GRIA4: variants seen among roughly 807,000 people sequenced by gnomAD.
GRIA4 encodes the protein glutamate receptor 4.
A neutral mutation model predicts 104.0 loss-of-function variants in GRIA4; 34 were observed. The ratio of observed to expected loss-of-function variants is 0.33; its 90% CI spans 0.25 to 0.44. The LOEUF (loss-of-function observed/expected upper bound fraction) is 0.44. GRIA4 is among the 20% of genes least tolerant of loss of function. The pLI is 1.00. For missense variants in GRIA4, 750 were observed against 1,096.5 expected (o/e 0.68, Z 4.46); for synonymous variants, 386 against 381.9 (o/e 1.01, Z -0.13).
chr11:105,745,861 T>G (rs1035048975), intron 3 of GRIA4, among the ~76,000 whole-genome samples: 6 of 152,142 alleles, frequency 3.9e-5, no homozygotes, highest in South Asian at 4.1e-4. Context: ...CTTAAGAATG[T>G]AAACATTTTG....
intron 4 of GRIA4, among the ~76,000 whole-genome samples, chr11:105,798,493 C>G (rs1479385397): frequency 1.3e-5 from 2 of 152,066 alleles, no homozygotes; most frequent in Non-Finnish European, 2.9e-5. Context: ...GTAATGGATG[C>G]TACATTTCTT....
At chr11:105,825,120 C>T (rs1943719228) in intron 4 of GRIA4, among the ~76,000 whole-genome samples, 1 of 152,082 alleles carries the variant, frequency 6.6e-6, no homozygotes, top group African/African-American at 2.4e-5. Context: ...AACCAAAAAG[C>T]TAGGCCAATG....
intron 3 of GRIA4, among the ~76,000 whole-genome samples, chr11:105,649,882 G>A (rs1408253694): frequency 6.6e-6 from 1 of 151,838 alleles, no homozygotes; most frequent in Admixed American, 6.6e-5. Flanking sequence ...CAAATATACA[G>A]GAATAATTAT....
intron 3 of GRIA4, among the ~76,000 whole-genome samples, chr11:105,621,903 T>C (rs1208077692): frequency 6.6e-6 from 1 of 151,864 alleles, no homozygotes; most frequent in Non-Finnish European, 1.5e-5. Context: ...AGGGTGAGGA[T>C]GATTTCTCAT....
chr11:105,721,370 C>T (rs903576599), intron 3 of GRIA4, among the ~76,000 whole-genome samples: 1 of 151,992 alleles, frequency 6.6e-6, no homozygotes, highest in Non-Finnish European at 1.5e-5. Flanking sequence ...TTCCCTTTCA[C>T]CTGTCTCCTC....
chr11:105,862,920 T>C (rs1945279303), intron 5 of GRIA4, among the ~76,000 whole-genome samples: 3 of 152,190 alleles, frequency 2.0e-5, no homozygotes, highest in Admixed American at 2.0e-4. Context: ...CCCCTGCAGA[T>C]CATGATAAAG....
chr11:105,853,507 A>C (rs1944894444), intron 4 of GRIA4, among the ~76,000 whole-genome samples: 1 of 152,178 alleles, frequency 6.6e-6, no homozygotes, highest in Non-Finnish European at 1.5e-5. Flanking sequence ...ACATTCTTTC[A>C]GGACCAAAAT....
At chr11:105,975,423 T>C (rs1040231206) in intron 16 of GRIA4, among the ~76,000 whole-genome samples, 3 of 152,094 alleles carry the variant, frequency 2.0e-5, no homozygotes, top group Non-Finnish European at 2.9e-5. Context: ...CCTCTCATCA[T>C]GGCATAATAA....
At chr11:105,617,240 A>G (rs996295718) in intron 3 of GRIA4, among the ~76,000 whole-genome samples, 1 of 150,590 alleles carries the variant, frequency 6.6e-6, no homozygotes, top group East Asian at 1.9e-4. Context: ...TTAAAACTAT[A>G]TATGTGTGTG....
Position 105,723,207 on chromosome 11 carries a change from CAATTT to C in GRIA4, c.248-29770_248-29766del, listed in dbSNP as rs532455675. On this transcript the variant is annotated intron_variant, in intron 3 of 16. Coordinates refer to ENST00000282499, the MANE Select transcript of GRIA4 (RefSeq NM_000829.4). ...GGAAAAGTACTTGACATTTAAATGT[CAATTT>C]AATCAAATTACGCAATTTTAAAATG... Among the ~76,000 whole-genome samples the C allele has an allele frequency of 9.9e-5, 15 of 152,184 alleles. 1 individual carries two copies. In the South Asian group the frequency reaches 3.1e-3, roughly 32 times the overall value.
chr11:105,815,761 A>G (rs1391568135), intron 4 of GRIA4, among the ~76,000 whole-genome samples: 3 of 152,332 alleles, frequency 2.0e-5, no homozygotes, highest in South Asian at 4.1e-4. Flanking sequence ...AAAGTCTGCT[A>G]TACTTAAGTT....
At chr11:105,692,575 T>C (rs1953128003) in intron 3 of GRIA4, among the ~76,000 whole-genome samples, 1 of 152,220 alleles carries the variant, frequency 6.6e-6, no homozygotes, top group African/African-American at 2.4e-5. Context: ...ACCATACTTA[T>C]TTAACTGCTA....
chr11:105,693,860 T>A (rs1350598211), intron 3 of GRIA4, among the ~76,000 whole-genome samples: 1 of 152,326 alleles, frequency 6.6e-6, no homozygotes, highest in Middle Eastern at 3.4e-3. Context: ...GCTCATTCTA[T>A]GGCTACTCTT....
intron 3 of GRIA4, among the ~76,000 whole-genome samples, chr11:105,714,845 T>C (rs930673358): frequency 9.2e-5 from 14 of 151,850 alleles, no homozygotes; most frequent in Admixed American, 9.2e-4. Flanking sequence ...GTTCTGGCTG[T>C]TTCTGCAGGT....
chr11:105,622,261 T>A (rs1453578712), intron 3 of GRIA4, among the ~76,000 whole-genome samples: 1 of 151,844 alleles, frequency 6.6e-6, no homozygotes, highest in Non-Finnish European at 1.5e-5. Context: ...TATTCTACAT[T>A]TTTTCTAGCA....
chr11:105,661,216 T>A (rs1951998736), intron 3 of GRIA4, among the ~76,000 whole-genome samples: 1 of 151,510 alleles, frequency 6.6e-6, no homozygotes, highest in Admixed American at 6.6e-5. Context: ...GAGAAAAGCA[T>A]GGGTAGACAA....
intron 3 of GRIA4, among the ~76,000 whole-genome samples, chr11:105,731,176 T>C (rs1401546634): frequency 1.3e-5 from 2 of 151,986 alleles, no homozygotes; most frequent in Non-Finnish European, 2.9e-5. Context: ...TAAACAAATT[T>C]ACAAGAAAAA....
chr11:105,933,914 G>A lies in GRIA4; in HGVS notation c.2239G>A (p.Gly747Arg). 2 of 1,613,216 alleles carry A rather than the reference G, an allele frequency of 1.2e-6. No homozygotes were observed. The highest frequency in any genetic ancestry group is 2.2e-5 in the East Asian group (1 of 44,832). The change falls in exon 14 of 17, where the codon GGA becomes AGA. Residue 747 changes from glycine (G) to arginine (R), a missense_variant. Gly to Arg is a moderately radical substitution (Grantham distance 125). Around this residue, in one of 3 missense-constraint regions of GRIA4, gnomAD observed 272 missense variants for 524.5 expected, o/e 0.52. Coordinates refer to ENST00000282499, the MANE Select transcript of GRIA4 (RefSeq NM_000829.4). ...RKPCDTMKVG[G>R]NLDSKGYGVA... ...GCCATGTGACACGATGAAAGTGGGA[G>A]GAAATCTGGATTCCAAAGGCTATGG...
intron 14 of GRIA4, among the ~76,000 whole-genome samples, chr11:105,965,712 T>A (rs1476868090): frequency 1.3e-5 from 2 of 152,206 alleles, no homozygotes; most frequent in African/African-American, 4.8e-5. Context: ...TGAGATCAGT[T>A]ATTTGACAAT....
Sources: gnomAD v4.1 joint callset for allele counts (sites outside exome capture counted in the v4.1 genomes callset) on GRCh38, gnomAD v4.1.1 for gene constraint, gnomAD v4.1.1 regional missense constraint, MANE v1.5 for transcripts, NCBI Gene and HGNC (gene_info 2026-07-23, HGNC 2026-07-21) for gene names.